The following EBF1 variants were observed in gnomAD, a reference collection of about 807,000 sequenced individuals.
EBF1 encodes transcription factor COE1.
In EBF1, 10 loss-of-function variants were observed where a neutral mutation model predicts 68.4. The observed-to-expected ratio is 0.15, with a 90% CI of 0.09 to 0.25. The LOEUF (loss-of-function observed/expected upper bound fraction) is 0.25. Ranked by LOEUF, EBF1 falls within the 10% of genes least tolerant of loss-of-function variation. EBF1 has a pLI of 1.00. For missense variants in EBF1, 509 were observed against 794.4 expected, an observed-to-expected ratio of 0.64 and a Z score of 4.32; for synonymous variants, 298 against 299.8, an observed-to-expected ratio of 0.99 and a Z score of 0.06.
chr5:158,854,465 T>G (rs767988646), intron 6 of EBF1, among the ~76,000 whole-genome samples: 9 of 152,224 alleles, frequency 5.9e-5, no homozygotes, highest in Non-Finnish European at 1.3e-4. Context: ...GAAAAGCATC[T>G]GGTCCCAGAA....
In EBF1 at chr5:158,899,304, C is replaced by T. The variant is rs192191583; in HGVS notation, c.555-59194G>A. 6.0e-4 allele frequency among the ~76,000 whole-genome samples: 92 copies of T among 152,278 alleles called. 1 individual carries two copies. Among genetic ancestry groups the T allele is most frequent in the Admixed American group, 6.0e-3 (92 of 15,306 alleles). ...AGATGTCTAATGATTTAGCATAAAA[C>T]ATATGTGATAGTGTAAGAGATAATC... On this transcript the variant is annotated intron_variant, in intron 6 of 15. Transcript: ENST00000313708.
chr5:158,990,961 T>G, intron 6 of EBF1, among the ~76,000 whole-genome samples: 1 of 152,160 alleles, frequency 6.6e-6, no homozygotes, highest in South Asian at 2.1e-4. Flanking sequence ...AGAACTACAC[T>G]AATGGATCCC....
chr5:159,021,382 G>A (rs1766648401), intron 6 of EBF1, among the ~76,000 whole-genome samples: 1 of 152,170 alleles, frequency 6.6e-6, no homozygotes, highest in Non-Finnish European at 1.5e-5. Flanking sequence ...TAAAAACGTG[G>A]TTTCCAAACA....
chr5:158,937,385 A>G (rs973524658), intron 6 of EBF1, among the ~76,000 whole-genome samples: 6 of 152,186 alleles, frequency 3.9e-5, no homozygotes, highest in African/African-American at 1.2e-4. Flanking sequence ...AAATCAAAGA[A>G]GGGAAGCCAC....
At chr5:158,788,157 G>T (rs2127719110) in intron 9 of EBF1, among the ~76,000 whole-genome samples, 1 of 152,338 alleles carries the variant, frequency 6.6e-6, no homozygotes, top group Non-Finnish European at 1.5e-5. Context: ...ATTCAAGGAA[G>T]AGGGAATGCC....
chr5:158,960,972 T>C (rs1818071898), intron 6 of EBF1, among the ~76,000 whole-genome samples: 1 of 152,192 alleles, frequency 6.6e-6, no homozygotes, highest in African/African-American at 2.4e-5. Flanking sequence ...TAAATGTTTA[T>C]TTTTTGAAAC....
At chr5:158,939,950 C>T (rs1812884570) in intron 6 of EBF1, among the ~76,000 whole-genome samples, 1 of 152,108 alleles carries the variant, frequency 6.6e-6, no homozygotes, top group Non-Finnish European at 1.5e-5. Context: ...CACTTATACC[C>T]TCTCAAGGAA....
chr5:158,770,588 C>T (rs1433801007), intron 10 of EBF1, among the ~76,000 whole-genome samples: 1 of 152,094 alleles, frequency 6.6e-6, no homozygotes, highest in East Asian at 1.9e-4. Context: ...CAGTTCTCCT[C>T]CTCCCTCTTG....
chr5:159,097,105 A>G lies in EBF1; in HGVS notation c.160T>C (p.Phe54Leu). 2 of 1,613,978 alleles carry G rather than the reference A, an allele frequency of 1.2e-6. No individual in the cohort carries two copies. Among genetic ancestry groups the G allele is most frequent in the Non-Finnish European group, 1.7e-6 (2 of 1,179,982 alleles). The change falls in exon 2 of 16, where the codon TTT becomes CTT. Residue 54 changes from phenylalanine (F) to leucine (L), a missense_variant. Transcript: ENST00000313708. ...QSGVGLARAH[F>L]EKQPPSNLRK... The stretch of plus-strand genomic sequence containing the variant: ...AGATTGGAAGGCGGCTGCTTCTCAA[A>G]GTGAGCCCGGGCCAGACCCACCCCG...
chr5:158,700,401 T>C (rs879774992), intron 15 of EBF1, among the ~76,000 whole-genome samples: 4 of 152,218 alleles, frequency 2.6e-5, no homozygotes, highest in Non-Finnish European at 4.4e-5. Context: ...AGAGAGTCAT[T>C]GCTTTCTTTT....
At chr5:158,936,864 A>T (rs1406878969) in intron 6 of EBF1, among the ~76,000 whole-genome samples, 2 of 152,162 alleles carry the variant, frequency 1.3e-5, no homozygotes, top group Non-Finnish European at 2.9e-5. Context: ...TAAAATGGAG[A>T]ATAGGAAGTA....
chr5:158,915,839 C>A (rs1807081044), intron 6 of EBF1, among the ~76,000 whole-genome samples: 1 of 152,142 alleles, frequency 6.6e-6, no homozygotes. Context: ...TGACAAAACT[C>A]AATGCAACAA....
rs1403770177 is a variant in EBF1, at chr5:159,095,065, T to G, written c.411+555A>C. 2.6e-5 allele frequency among the ~76,000 whole-genome samples: 4 copies of G among 152,188 alleles called. No homozygotes were observed. In the East Asian group the frequency reaches 7.7e-4, roughly 29 times the overall value. ...TTGGAGGCAAAAGCAGGAGGGTTTT[T>G]GCAAAATATCCTCTAACAATTGTCG... On this transcript the variant is annotated intron_variant, in intron 4 of 15. Coordinates refer to ENST00000313708, the MANE Select transcript of EBF1 (RefSeq NM_024007.5).
At chr5:158,744,813 A>T (rs1365997789) in intron 10 of EBF1, among the ~76,000 whole-genome samples, 4 of 152,232 alleles carry the variant, frequency 2.6e-5, no homozygotes, top group Admixed American at 1.3e-4. Flanking sequence ...AACAACTATG[A>T]TGATAAACCT....
intron 7 of EBF1, among the ~76,000 whole-genome samples, chr5:158,828,376 G>A (rs1717898307): frequency 6.6e-6 from 1 of 152,146 alleles, no homozygotes; most frequent in South Asian, 2.1e-4. Context: ...TTTAAAATGA[G>A]GCCATTAGAG....
rs1013505738 is a variant in EBF1, at chr5:158,696,699, ACCCTCCCACAACTC to A, written c.*2398_*2411del. ...GAAAAACAGCTTTCCTCCCTCCCCTACCCTCCCACAACTCCCCTCCCCCACCCACCCCAACCCAT... is the reference window on the plus strand; with the variant it reads ...GAAAAACAGCTTTCCTCCCTCCCCTACCCTCCCCCACCCACCCCAACCCAT... On this transcript the variant is annotated 3_prime_UTR_variant, in exon 16 of 16. Coordinates refer to ENST00000313708, the MANE Select transcript of EBF1 (RefSeq NM_024007.5). 4.6e-4 allele frequency: 76 copies of A among 164,988 alleles called. 1 individual carries two copies. In the East Asian group the frequency reaches 6.0e-3, roughly 13 times the overall value. The allele number at this position is 164,988 out of a possible 1,614,324, so 10.2% of individuals were successfully genotyped here.
chr5:159,016,896 A>G (rs1765713322), intron 6 of EBF1, among the ~76,000 whole-genome samples: 1 of 152,206 alleles, frequency 6.6e-6, no homozygotes, highest in Non-Finnish European at 1.5e-5. Context: ...AAAATCACAA[A>G]CACACTTTGA....
chr5:159,086,866 T>C (rs1353555356), intron 4 of EBF1, among the ~76,000 whole-genome samples: 7 of 152,160 alleles, frequency 4.6e-5, no homozygotes, highest in African/African-American at 1.7e-4. Flanking sequence ...GATTATTCTT[T>C]GCTGTATTCT....
intron 10 of EBF1, among the ~76,000 whole-genome samples, chr5:158,738,088 A>G (rs1473480640): frequency 2.0e-5 from 3 of 152,234 alleles, no homozygotes; most frequent in African/African-American, 7.2e-5. Flanking sequence ...ATGTAGAAGC[A>G]TGATTGATAT....
Sources: allele counts gnomAD v4.1 joint callset (sites outside exome capture counted in the v4.1 genomes callset), GRCh38; gene constraint gnomAD v4.1.1; transcripts MANE v1.5; gene names NCBI Gene and HGNC (gene_info 2026-07-23, HGNC 2026-07-21).